GAPVD1: variants seen among roughly 807,000 people sequenced by gnomAD.
GAPVD1 encodes GTPase activating protein and VPS9 domains 1.
Under a neutral mutation model 155.5 loss-of-function variants are expected in GAPVD1, and 35 were observed. The ratio of observed to expected loss-of-function variants is 0.23; its 90% confidence interval spans 0.17 to 0.30. GAPVD1 has a LOEUF of 0.30. Ranked by LOEUF, GAPVD1 falls within the 10% of genes least tolerant of loss-of-function variation. The pLI, the probability that GAPVD1 is intolerant of heterozygous loss-of-function variation, is 1.00. For synonymous variants in GAPVD1, 636 were observed against 619.7 expected, an observed-to-expected ratio of 1.03 and a Z score of -0.39; for missense variants, 1,429 against 1,775.7, an observed-to-expected ratio of 0.80 and a Z score of 3.51.
chr9:125,332,645 G>A lies in GAPVD1; in HGVS notation c.2428+16G>A, dbSNP rs1032436173. ...ATAACTCACGGTAAGAGGGGGAAAT[G>A]AGGATGACTTAAAAAATGACCACAT... On this transcript the variant is annotated intron_variant, in intron 15 of 27. Transcript: ENST00000297933. The A allele has an allele frequency of 1.2e-6, 2 of 1,601,870 alleles. No individual in the cohort carries two copies. The highest frequency in any genetic ancestry group is 1.7e-6 in the Non-Finnish European group (2 of 1,174,996).
At chr9:125,329,878 C>T (rs1011865122) in intron 12 of GAPVD1, among the ~76,000 whole-genome samples, 200 bp from the exon 13 acceptor site, 2 of 152,160 alleles carry the variant, frequency 1.3e-5, no homozygotes, top group African/African-American at 4.8e-5. Context: ...GACGGGGTTT[C>T]GCCATGTTGG....
At chr9:125,350,618 T>C (rs1589103936) in intron 22 of GAPVD1, 95 bp from the exon 23 acceptor site, 1 of 772,060 alleles carries the variant, frequency 1.3e-6, no homozygotes. Flanking sequence ...TAATGATACG[T>C]GACAAAGCAG....
chr9:125,293,865 T>TAA (rs1208920524), intron 2 of GAPVD1, among the ~76,000 whole-genome samples: 5 of 88,514 alleles, frequency 5.6e-5, no homozygotes, highest in African/African-American at 2.1e-4. Flanking sequence ...TATATATATA[T>TAA]ATATATATAT....
At chr9:125,290,111 G>A (rs928316647) in intron 2 of GAPVD1, among the ~76,000 whole-genome samples, 1 of 152,176 alleles carries the variant, frequency 6.6e-6, no homozygotes, top group African/African-American at 2.4e-5. Flanking sequence ...GTAGTTTTGA[G>A]TAGTGGAGCA....
At chr9:125,309,523 CAG>C (rs1389044572) in intron 8 of GAPVD1, among the ~76,000 whole-genome samples, 4 of 152,018 alleles carry the variant, frequency 2.6e-5, no homozygotes, top group Admixed American at 6.6e-5. Context: ...TTGGTAGAGA[CAG>C]GGTTTTGCCA....
At chr9:125,273,500 T>C (rs1407753962) in intron 2 of GAPVD1, among the ~76,000 whole-genome samples, 2 of 151,750 alleles carry the variant, frequency 1.3e-5, no homozygotes, top group Admixed American at 6.6e-5. Context: ...TCTTTTCTTT[T>C]TTTTTTTTTT....
rs532332160 is a variant in GAPVD1 at position 125,308,265 on chromosome 9, G to A, written c.1441+385G>A. On this transcript the variant is annotated intron_variant, in intron 8 of 27. Coordinates refer to ENST00000297933, the MANE Select transcript of GAPVD1 (RefSeq NM_001282680.3). Reference sequence around the variant, plus strand: ...GGAGGCTGAGATGGGGAGATTGCTTGAGCCTGGGAGGTCGAGGCTGCAGTG... The same window carrying A: ...GGAGGCTGAGATGGGGAGATTGCTTAAGCCTGGGAGGTCGAGGCTGCAGTG... 12 of 229,292 alleles carry A rather than the reference G, an allele frequency of 5.2e-5. No individual in the cohort carries two copies. The South Asian group carries it at 1.1e-3, about 22-fold the overall frequency. 14.2% of individuals were successfully genotyped at this position (229,292 alleles called of 1,614,324 possible).
At chr9:125,327,755 C>T (rs1588968121) in intron 12 of GAPVD1, among the ~76,000 whole-genome samples, 3 of 152,274 alleles carry the variant, frequency 2.0e-5, no homozygotes, top group East Asian at 3.9e-4. Flanking sequence ...CCATCCGCCT[C>T]GGCCTCCCAA....
chr9:125,350,730 T>G lies in GAPVD1; in HGVS notation c.3427T>G (p.Phe1143Val). The G allele has an allele frequency of 6.5e-7, 1 of 1,534,364 alleles. No homozygotes were observed. The highest frequency in any genetic ancestry group is 9.0e-7 in the Non-Finnish European group (1 of 1,109,488). The change falls in exon 23 of 28, where the codon TTC becomes GTC. Residue 1143 changes from phenylalanine to valine, a missense_variant. Around this residue, in one of 4 missense-constraint regions of GAPVD1, gnomAD observed 699 missense variants for 826.0 expected, o/e 0.85. Coordinates refer to ENST00000297933, the MANE Select transcript of GAPVD1 (RefSeq NM_001282680.3). Reference protein sequence around the residue: ...TDPEDNEIVCFLKVQIAEAIN... With the variant: ...TDPEDNEIVCVLKVQIAEAIN... ...TTATTTAGACAATGAAATTGTATGC[T>G]TCTTAAAAGTTCAAATAGCTGAAGC... is the stretch of plus-strand genomic sequence containing the variant.
intron 1 of GAPVD1, chr9:125,263,809 G>T: frequency 9.4e-7 from 1 of 1,068,700 alleles, no homozygotes; most frequent in Non-Finnish European, 1.4e-6. Context: ...GCCGGTCTCT[G>T]GACAGCTATG....
At chr9:125,274,425 A>C (rs1835423615) in intron 2 of GAPVD1, among the ~76,000 whole-genome samples, 1 of 152,096 alleles carries the variant, frequency 6.6e-6, no homozygotes, top group South Asian at 2.1e-4. Flanking sequence ...TTTTCCCCCA[A>C]AATTATAGTT....
intron 14 of GAPVD1, 80 bp from the exon 15 acceptor site, chr9:125,332,430 A>G: frequency 1.7e-6 from 2 of 1,164,470 alleles, no homozygotes; most frequent in Non-Finnish European, 2.5e-6. Context: ...AGAATGTTTC[A>G]GTTTCTCCAA....
chr9:125,265,200 A>C (rs1833655976), intron 1 of GAPVD1, among the ~76,000 whole-genome samples: 1 of 151,942 alleles, frequency 6.6e-6, no homozygotes, highest in Admixed American at 6.6e-5. Context: ...TGTTTTGCTG[A>C]GGTTCTTTTA....
At chr9:125,303,701 G>A (rs1204055904) in intron 5 of GAPVD1, among the ~76,000 whole-genome samples, 1 of 151,204 alleles carries the variant, frequency 6.6e-6, no homozygotes, top group Non-Finnish European at 1.5e-5. Flanking sequence ...GCTTGAACCC[G>A]GGAGACAGAG....
chr9:125,269,297 T>G (rs1450058100), intron 2 of GAPVD1, among the ~76,000 whole-genome samples: 1 of 150,706 alleles, frequency 6.6e-6, no homozygotes, highest in African/African-American at 2.4e-5. Context: ...TAGTTGAGTG[T>G]TTTTTTTTCC....
At chr9:125,352,331 G>A (rs1849418103) in intron 23 of GAPVD1, among the ~76,000 whole-genome samples, 2 of 152,206 alleles carry the variant, frequency 1.3e-5, no homozygotes, top group Non-Finnish European at 2.9e-5. Flanking sequence ...GCAAACTTCT[G>A]CCTGGGCATC....
chr9:125,300,698 A>G (rs946229834), intron 4 of GAPVD1, among the ~76,000 whole-genome samples: 2 of 152,000 alleles, frequency 1.3e-5, no homozygotes, highest in Non-Finnish European at 2.9e-5. Context: ...AAAATGTTCC[A>G]TGTCTTAATC....
chr9:125,311,845 G>A (rs909770924), intron 8 of GAPVD1, among the ~76,000 whole-genome samples: 30 of 151,538 alleles, frequency 2.0e-4, no homozygotes, highest in African/African-American at 6.8e-4. Flanking sequence ...TCAGCCCCCC[G>A]AGTAGCTGGG....
intron 24 of GAPVD1, 97 bp from the exon 25 acceptor site, chr9:125,355,547 C>T (rs1274053120): frequency 1.3e-6 from 1 of 750,772 alleles, no homozygotes; most frequent in African/African-American, 1.8e-5. Context: ...ATGGTGTCTG[C>T]ATAGCTAGTG....
Sources: gnomAD v4.1 joint callset for allele counts (sites outside exome capture counted in the v4.1 genomes callset) on GRCh38, gnomAD v4.1.1 for gene constraint, gnomAD v4.1.1 regional missense constraint, MANE v1.5 for transcripts, NCBI Gene and HGNC (gene_info 2026-07-23, HGNC 2026-07-21) for gene names.